ENTREP2: variants seen among roughly 807,000 people sequenced by gnomAD.
ENTREP2 encodes the protein endosomal transmembrane epsin interactor 2.
chr15:29,385,143 C>T, the ENTREP2 span, among the ~76,000 whole-genome samples: 1 of 152,132 alleles, frequency 6.6e-6, no homozygotes, highest in Non-Finnish European at 1.5e-5. Context: ...GACCTCTTCT[C>T]AGCTGAAGTG....
the ENTREP2 span, among the ~76,000 whole-genome samples, chr15:29,482,777 T>C: frequency 6.6e-6 from 1 of 152,238 alleles, no homozygotes; most frequent in African/African-American, 2.4e-5. Context: ...GTTTTGGCAA[T>C]TATGAATAAT....
At chr15:29,389,622 A>G in the ENTREP2 span, among the ~76,000 whole-genome samples, 1 of 152,210 alleles carries the variant, frequency 6.6e-6, no homozygotes, top group East Asian at 1.9e-4. Flanking sequence ...CGAGGGCCTC[A>G]GCTCACAGCA....
the ENTREP2 span, among the ~76,000 whole-genome samples, chr15:29,305,407 T>C: frequency 1.3e-5 from 2 of 152,180 alleles, no homozygotes; most frequent in Non-Finnish European, 2.9e-5. Context: ...GTGCACAGGA[T>C]TCAAAGGCAG....
chr15:29,228,942 G>A, the ENTREP2 span, among the ~76,000 whole-genome samples: 27 of 152,060 alleles, frequency 1.8e-4, 1 homozygote, highest in East Asian at 4.4e-3. Flanking sequence ...CAGTTTAATT[G>A]GTGAATCTTT....
the ENTREP2 span, among the ~76,000 whole-genome samples, chr15:29,502,789 C>T: frequency 6.6e-6 from 1 of 151,824 alleles, no homozygotes; most frequent in Non-Finnish European, 1.5e-5. Context: ...AGGATTTGAA[C>T]AAAAATTTCT....
chr15:29,614,456 G>A, the ENTREP2 span, among the ~76,000 whole-genome samples: 18 of 152,112 alleles, frequency 1.2e-4, no homozygotes, highest in South Asian at 2.7e-3. Flanking sequence ...GGAGAGGGAG[G>A]GTCTAGAGCA....
the ENTREP2 span, among the ~76,000 whole-genome samples, chr15:29,537,010 T>A: frequency 6.6e-6 from 1 of 152,218 alleles, no homozygotes; most frequent in East Asian, 1.9e-4. Context: ...GAGAAGAAAT[T>A]TCTATTGTTT....
the ENTREP2 span, among the ~76,000 whole-genome samples, chr15:29,284,153 G>A: frequency 1.3e-5 from 2 of 152,190 alleles, no homozygotes; most frequent in East Asian, 3.8e-4. Context: ...GATTGAAAGG[G>A]TTCTGAAAAT....
the ENTREP2 span, among the ~76,000 whole-genome samples, chr15:29,566,793 A>G: frequency 6.6e-6 from 1 of 151,950 alleles, no homozygotes; most frequent in East Asian, 1.9e-4. Context: ...CTTTTTATAT[A>G]TTAATTTCAG....
At chr15:29,348,346 C>G in the ENTREP2 span, among the ~76,000 whole-genome samples, 1 of 152,044 alleles carries the variant, frequency 6.6e-6, no homozygotes, top group Admixed American at 6.6e-5. Flanking sequence ...GGACAGGGAG[C>G]AGCAATGTTG....
chr15:29,544,553 G>A, the ENTREP2 span, among the ~76,000 whole-genome samples: 2 of 128,200 alleles, frequency 1.6e-5, no homozygotes, highest in African/African-American at 5.2e-5. Context: ...TAAAAAATTC[G>A]GTAGTTATTT....
the ENTREP2 span, among the ~76,000 whole-genome samples, chr15:29,485,977 A>C: frequency 1.8e-4 from 28 of 152,314 alleles, no homozygotes; most frequent in African/African-American, 6.5e-4. Flanking sequence ...TAAAAACAGA[A>C]CTACCATATG....
chr15:29,433,752 T>A, the ENTREP2 span, among the ~76,000 whole-genome samples: 1 of 141,662 alleles, frequency 7.1e-6, no homozygotes, highest in Non-Finnish European at 1.5e-5. Flanking sequence ...TCAAGGTCTC[T>A]CAGACACCAA....
At chr15:29,446,430 C>G in the ENTREP2 span, among the ~76,000 whole-genome samples, 1 of 152,120 alleles carries the variant, frequency 6.6e-6, no homozygotes, top group South Asian at 2.1e-4. Flanking sequence ...GTTTCCAATT[C>G]TTGCTGCCTG....
At chr15:29,237,706 C>G in the ENTREP2 span, among the ~76,000 whole-genome samples, 63,669 of 151,952 alleles carry the variant, frequency 0.42, 13,642 homozygotes, top group East Asian at 0.6. Context: ...CGCGTTGCTG[C>G]TGGAAATGTA....
chr15:29,165,691 A>G, the ENTREP2 span, among the ~76,000 whole-genome samples: 1 of 152,140 alleles, frequency 6.6e-6, no homozygotes, highest in Non-Finnish European at 1.5e-5. Flanking sequence ...TAATTACAAA[A>G]TTACCAACAA....
At chr15:29,658,340 C>A in the ENTREP2 span, among the ~76,000 whole-genome samples, 1 of 152,172 alleles carries the variant, frequency 6.6e-6, no homozygotes, top group Non-Finnish European at 1.5e-5. Context: ...GCCTTAGCCT[C>A]CCTAGCCTTG....
chr15:29,601,059 G>A, the ENTREP2 span, among the ~76,000 whole-genome samples: 31 of 150,878 alleles, frequency 2.1e-4, no homozygotes, highest in South Asian at 4.6e-3. Flanking sequence ...CACCACGCCC[G>A]GCTAATTTTT....
At chr15:29,123,929 G>A in the ENTREP2 span, among the ~76,000 whole-genome samples, 1 of 152,172 alleles carries the variant, frequency 6.6e-6, no homozygotes, top group South Asian at 2.1e-4. Context: ...CCCTCTGCTA[G>A]AATCCCAAGG....
Sources: gnomAD v4.1 joint callset for allele counts (sites outside exome capture counted in the v4.1 genomes callset) on GRCh38, gnomAD v4.1.1 for gene constraint, MANE v1.5 for transcripts, NCBI Gene and HGNC (gene_info 2026-07-23, HGNC 2026-07-21) for gene names.